BRAF: variants seen among roughly 807,000 people sequenced by gnomAD.
The protein encoded by BRAF is B-Raf proto-oncogene, serine/threonine kinase, also known as serine/threonine-protein kinase B-raf.
A neutral mutation model predicts 104.6 loss-of-function variants in BRAF; 16 were observed. The observed-to-expected ratio is 0.15, with a 90% CI of 0.10 to 0.23. The LOEUF (loss-of-function observed/expected upper bound fraction) is 0.23. Ranked by LOEUF, BRAF falls within the 10% of genes least tolerant of loss-of-function variation. BRAF has a pLI of 1.00. For missense variants in BRAF, 541 were observed against 937.3 expected, an observed-to-expected ratio of 0.58 and a Z score of 5.52; for synonymous variants, 310 against 341.6, an observed-to-expected ratio of 0.91 and a Z score of 1.02.
At chr7:140,786,616 A>T (rs927637751) in intron 9 of BRAF, among the ~76,000 whole-genome samples, 2 of 152,226 alleles carry the variant, frequency 1.3e-5, no homozygotes, top group Admixed American at 1.3e-4. Flanking sequence ...ATCTCAATTC[A>T]GTTTCTCATT....
chr7:140,763,195 C>T lies in BRAF; in HGVS notation c.1815-8962G>A, dbSNP rs186820468. ...CCCAGTAGGGGCGGCCGGGGAGAGGCGCCCCTCACCTCCCGGACGAGGCGG... is the reference window on the plus strand; with the variant it reads ...CCCAGTAGGGGCGGCCGGGGAGAGGTGCCCCTCACCTCCCGGACGAGGCGG... On this transcript the variant is annotated intron_variant, in intron 14 of 19. Coordinates refer to ENST00000644969, the MANE Select transcript of BRAF (RefSeq NM_001374258.1). Among the ~76,000 whole-genome samples, 1,497 of 152,092 alleles carry T rather than the reference C, an allele frequency of 9.8e-3. 24 individuals carry two copies. The highest frequency in any genetic ancestry group is 0.034 in the African/African-American group (1,409 of 41,494).
At chr7:140,888,617 C>T (rs1813843992) in intron 1 of BRAF, among the ~76,000 whole-genome samples, 5 of 152,062 alleles carry the variant, frequency 3.3e-5, no homozygotes, top group African/African-American at 1.2e-4. Context: ...GGGCAGATCA[C>T]CTGAGGTTGG....
At chr7:140,891,088 ATAC>A (rs1218148623) in intron 1 of BRAF, among the ~76,000 whole-genome samples, 1 of 152,230 alleles carries the variant, frequency 6.6e-6, no homozygotes, top group African/African-American at 2.4e-5. Context: ...ATAGGCTCCT[ATAC>A]TACAAAGTGG....
In BRAF at chr7:140,868,893, T is replaced by C. The variant is rs1257749239; in HGVS notation, c.139-18681A>G. Among the ~76,000 whole-genome samples, 27 of 152,236 alleles carry C rather than the reference T, an allele frequency of 1.8e-4. 1 individual carries two copies. Among genetic ancestry groups the C allele is most frequent in the Admixed American group, 1.8e-3 (27 of 15,292 alleles). ...ATGATGGTGGCTTTTATCAGACTGA[T>C]AGTGGAAGAGATGATAAGATGTGTC... On this transcript the variant is annotated intron_variant, in intron 1 of 19. Coordinates refer to ENST00000644969, the MANE Select transcript of BRAF (RefSeq NM_001374258.1).
In BRAF at chr7:140,902,939, T is replaced by C. The variant is rs1270732920; in HGVS notation, c.138+21627A>G. 7.3e-5 allele frequency among the ~76,000 whole-genome samples: 11 copies of C among 151,364 alleles called. No homozygotes were observed. The South Asian group carries it at 2.3e-3, about 32-fold the overall frequency. ...GGATGACTTTTTTTTTTTTTTTTTT[T>C]TTGAGATGGAGTTTCGCTCTTTTTG... On this transcript the variant is annotated intron_variant, in intron 1 of 19. Coordinates refer to ENST00000644969, the MANE Select transcript of BRAF (RefSeq NM_001374258.1).
At chr7:140,780,293 T>G (rs1721962352) in intron 12 of BRAF, 2 of 149,044 alleles carry the variant, frequency 1.3e-5, no homozygotes, top group Non-Finnish European at 3.0e-5. Context: ...CAGGTTGGAG[T>G]GCAATGGCGG....
At chr7:140,799,732 A>G (rs1802886622) in intron 7 of BRAF, 1 of 232,572 alleles carries the variant, frequency 4.3e-6, no homozygotes. Flanking sequence ...ACATGAATAC[A>G]TTTATGTCCT....
At chr7:140,826,510 A>G in intron 3 of BRAF, among the ~76,000 whole-genome samples, 1 of 152,190 alleles carries the variant, frequency 6.6e-6, no homozygotes, top group East Asian at 1.9e-4. Flanking sequence ...TAAGTTTCCA[A>G]GTAACTGACA....
intron 1 of BRAF, among the ~76,000 whole-genome samples, chr7:140,850,548 T>G (rs1285013141): frequency 6.6e-6 from 1 of 152,214 alleles, no homozygotes; most frequent in African/African-American, 2.4e-5. Context: ...CTTCCATGTC[T>G]CCCTTTTACT....
At chr7:140,822,030 G>A (rs1178359403) in intron 3 of BRAF, among the ~76,000 whole-genome samples, 3 of 152,116 alleles carry the variant, frequency 2.0e-5, no homozygotes, top group African/African-American at 7.2e-5. Flanking sequence ...AGAGCGGGGA[G>A]GGCAAAGGTT....
At chr7:140,915,354 T>C (rs1191180944) in intron 1 of BRAF, among the ~76,000 whole-genome samples, 1 of 152,024 alleles carries the variant, frequency 6.6e-6, no homozygotes, top group Non-Finnish European at 1.5e-5. Flanking sequence ...CTGGTGTTAT[T>C]AACTTAAAGG....
chr7:140,757,132 C>G (rs1798265145), intron 14 of BRAF, among the ~76,000 whole-genome samples: 1 of 152,078 alleles, frequency 6.6e-6, no homozygotes, highest in Non-Finnish European at 1.5e-5. Context: ...TTACATGCTT[C>G]CTGCTGCTGG....
At chr7:140,835,081 T>C (rs1807182268) in intron 2 of BRAF, 2 of 598,948 alleles carry the variant, frequency 3.3e-6, no homozygotes. Flanking sequence ...TACACTATAT[T>C]ACACCTGATA....
At chr7:140,920,311 T>C (rs983506243) in intron 1 of BRAF, among the ~76,000 whole-genome samples, 6 of 152,128 alleles carry the variant, frequency 3.9e-5, no homozygotes, top group Non-Finnish European at 8.8e-5. Context: ...AATTTTATAA[T>C]TGGGAGAAAA....
At chr7:140,774,110 A>C (rs1034583918) in intron 14 of BRAF, among the ~76,000 whole-genome samples, 3 of 152,240 alleles carry the variant, frequency 2.0e-5, no homozygotes, top group Non-Finnish European at 4.4e-5. Context: ...ACAAAACAAA[A>C]AGAGAAAAGA....
chr7:140,923,510 GA>G (rs1357225009), intron 1 of BRAF, among the ~76,000 whole-genome samples: 6 of 152,002 alleles, frequency 3.9e-5, no homozygotes, highest in African/African-American at 1.4e-4. Context: ...AAAGGAAAAG[GA>G]AAAAAATAGG....
intron 1 of BRAF, among the ~76,000 whole-genome samples, chr7:140,875,119 T>C (rs1043751594): frequency 6.6e-6 from 1 of 152,188 alleles, no homozygotes; most frequent in Non-Finnish European, 1.5e-5. Context: ...CATTTCTTTA[T>C]AGCAATTCAA....
chr7:140,908,550 T>C (rs1306198311), intron 1 of BRAF, among the ~76,000 whole-genome samples: 3 of 152,186 alleles, frequency 2.0e-5, no homozygotes, highest in Non-Finnish European at 4.4e-5. Flanking sequence ...GGAGGGTCCC[T>C]GGACCACCCA....
chr7:140,722,703 G>A lies in BRAF; in HGVS notation c.*3791C>T. The A allele has an allele frequency of 2.9e-6, 3 of 1,051,212 alleles. No homozygotes were observed. The South Asian group carries it at 1.4e-4, about 48-fold the overall frequency. 65.1% of individuals were successfully genotyped at this position (1,051,212 alleles called of 1,614,324 possible). A position where few individuals can be genotyped will look rare whatever the true frequency, so the allele number is the denominator to read the frequency against. On this transcript the variant is annotated 3_prime_UTR_variant, in exon 20 of 20. Coordinates refer to ENST00000644969, the MANE Select transcript of BRAF (RefSeq NM_001374258.1). Reference sequence around the variant, plus strand: ...CTGGGTGGTCTTTCTATGAATGCCTGTGCATGTGACAAAGCTGCAGCAAAC... The same window carrying A: ...CTGGGTGGTCTTTCTATGAATGCCTATGCATGTGACAAAGCTGCAGCAAAC...
Sources: allele counts gnomAD v4.1 joint callset (sites outside exome capture counted in the v4.1 genomes callset), GRCh38; gene constraint gnomAD v4.1.1; transcripts MANE v1.5; gene names NCBI Gene and HGNC (gene_info 2026-07-23, HGNC 2026-07-21).